The following MACROD2 variants were observed in gnomAD, a reference collection of about 807,000 sequenced individuals.
MACROD2 encodes the protein ADP-ribose glycohydrolase MACROD2.
Under a neutral mutation model 70.4 loss-of-function variants are expected in MACROD2, and 36 were observed. That is an observed-to-expected ratio of 0.51 (90% confidence interval 0.39 to 0.68). The LOEUF (loss-of-function observed/expected upper bound fraction) is 0.68. Ranked by LOEUF, MACROD2 falls within the 30% of genes least tolerant of loss-of-function variation. The probability of loss-of-function intolerance (pLI) is 0.00; values close to 1 mark genes in which losing one functional copy is unlikely to be tolerated. For missense variants in MACROD2, 496 were observed against 538.4 expected, an observed-to-expected ratio of 0.92 and a Z score of 0.78; for synonymous variants, 172 against 178.8, an observed-to-expected ratio of 0.96 and a Z score of 0.30.
chr20:15,438,161 A>C (rs1246128027), intron 7 of MACROD2, among the ~76,000 whole-genome samples: 1 of 152,052 alleles, frequency 6.6e-6, no homozygotes, highest in African/African-American at 2.4e-5. Flanking sequence ...GTAAAAAAAA[A>C]AAAGAATGAT....
At chr20:15,909,584 C>T (rs1174320141) in intron 10 of MACROD2, among the ~76,000 whole-genome samples, 3 of 121,222 alleles carry the variant, frequency 2.5e-5, no homozygotes, top group African/African-American at 3.2e-5. Flanking sequence ...AGTGCAGTGG[C>T]GGGATCTCGG....
At chr20:14,995,230 G>T (rs1408432) in intron 5 of MACROD2, among the ~76,000 whole-genome samples, 3,241 of 152,116 alleles carry the variant, frequency 0.021, 68 homozygotes, top group Admixed American at 0.047. Flanking sequence ...TTTACCTATT[G>T]TGTGTTTTAT....
chr20:14,109,280 A>G (rs772213271), intron 3 of MACROD2, among the ~76,000 whole-genome samples: 14 of 151,954 alleles, frequency 9.2e-5, no homozygotes, highest in Admixed American at 1.3e-4. Flanking sequence ...ATTTATAGCT[A>G]AAAGTTCCTA....
At chr20:14,536,240 T>G (rs1377903497) in intron 4 of MACROD2, among the ~76,000 whole-genome samples, 2 of 152,158 alleles carry the variant, frequency 1.3e-5, no homozygotes, top group Non-Finnish European at 2.9e-5. Context: ...CTGTGACAAT[T>G]ATTCTTTAAA....
chr20:14,015,228 A>C (rs1352413354), intron 2 of MACROD2, among the ~76,000 whole-genome samples: 2 of 152,208 alleles, frequency 1.3e-5, no homozygotes, highest in Admixed American at 6.5e-5. Flanking sequence ...CATTGAGTAC[A>C]TTCACAGTGC....
At chr20:15,871,854 G>C (rs2064589399) in intron 9 of MACROD2, among the ~76,000 whole-genome samples, 2 of 152,190 alleles carry the variant, frequency 1.3e-5, no homozygotes, top group South Asian at 4.1e-4. Context: ...CTAAGAGTAA[G>C]TCCTTGGTTG....
intron 9 of MACROD2, among the ~76,000 whole-genome samples, chr20:15,874,225 T>A (rs1184475247): frequency 6.6e-6 from 1 of 151,776 alleles, no homozygotes; most frequent in African/African-American, 2.4e-5. Flanking sequence ...TTCATCCATG[T>A]CCCTGCAAAG....
intron 10 of MACROD2, among the ~76,000 whole-genome samples, chr20:15,921,228 T>C (rs936319545): frequency 1.3e-5 from 2 of 152,172 alleles, no homozygotes; most frequent in Non-Finnish European, 2.9e-5. Flanking sequence ...ATTCGTTGTC[T>C]GCTCCAGCCG....
chr20:14,953,110 A>T (rs1054207528), intron 5 of MACROD2, among the ~76,000 whole-genome samples: 1 of 152,126 alleles, frequency 6.6e-6, no homozygotes, highest in Non-Finnish European at 1.5e-5. Flanking sequence ...GACCAGAAAA[A>T]AAAGGGCCTG....
At chr20:14,622,018 T>C (rs1256188666) in intron 4 of MACROD2, 1 of 152,170 alleles carries the variant, frequency 6.6e-6, no homozygotes, top group Non-Finnish European at 1.5e-5. Flanking sequence ...TAATAGGCTC[T>C]GGAAGAGCTC....
At chr20:14,400,352 G>C (rs2083625104) in intron 3 of MACROD2, among the ~76,000 whole-genome samples, 1 of 152,148 alleles carries the variant, frequency 6.6e-6, no homozygotes, top group Non-Finnish European at 1.5e-5. Context: ...CGTAAATTAT[G>C]AGGTTTTTCC....
intron 4 of MACROD2, among the ~76,000 whole-genome samples, chr20:14,494,771 G>A (rs982680316): frequency 3.3e-5 from 5 of 152,058 alleles, no homozygotes; most frequent in African/African-American, 9.7e-5. Context: ...ATATGAATTT[G>A]TAGGATGTTT....
chr20:14,908,644 CAG>C (rs920639741), intron 5 of MACROD2, among the ~76,000 whole-genome samples: 17 of 151,250 alleles, frequency 1.1e-4, no homozygotes, highest in Non-Finnish European at 1.8e-4. Flanking sequence ...GCCTGGGTGA[CAG>C]AGCAGACTCT....
At chr20:15,233,979 TTATTTATATATATATATA>T (rs1314774137) in intron 6 of MACROD2, among the ~76,000 whole-genome samples, 1 of 49,012 alleles carries the variant, frequency 2.0e-5, no homozygotes, top group African/African-American at 9.0e-5. Flanking sequence ...TTATATATAT[TTATTTATATATATATATA>T]TATATATATA....
chr20:15,173,302 G>A (rs915285150), intron 5 of MACROD2, among the ~76,000 whole-genome samples: 2 of 152,122 alleles, frequency 1.3e-5, no homozygotes, highest in African/African-American at 4.8e-5. Context: ...ATGAGAAAGT[G>A]AGAACTCACT....
intron 5 of MACROD2, among the ~76,000 whole-genome samples, chr20:14,911,850 T>A (rs1055498260): frequency 3.9e-5 from 6 of 152,130 alleles, no homozygotes; most frequent in Admixed American, 1.3e-4. Flanking sequence ...TAACCCATTT[T>A]ACAGATGGGG....
At chr20:15,527,242 A>G (rs191289738) in intron 8 of MACROD2, among the ~76,000 whole-genome samples, 124 of 152,290 alleles carry the variant, frequency 8.1e-4, no homozygotes, top group African/African-American at 3.0e-3. Context: ...AATTTTGAGT[A>G]AAGGTTTTAT....
At chr20:14,782,597 A>G (rs1482363281) in intron 5 of MACROD2, among the ~76,000 whole-genome samples, 1 of 152,114 alleles carries the variant, frequency 6.6e-6, no homozygotes, top group Non-Finnish European at 1.5e-5. Context: ...TGGTTAATGC[A>G]GATATGAAAA....
At chr20:14,979,853 C>A (rs1169222766) in intron 5 of MACROD2, among the ~76,000 whole-genome samples, 1 of 152,112 alleles carries the variant, frequency 6.6e-6, no homozygotes, top group Non-Finnish European at 1.5e-5. Flanking sequence ...TTGCCTTTGT[C>A]ACTAAATTAA....
Sources: allele counts gnomAD v4.1 joint callset (sites outside exome capture counted in the v4.1 genomes callset), GRCh38; gene constraint gnomAD v4.1.1; transcripts MANE v1.5; gene names NCBI Gene and HGNC (gene_info 2026-07-23, HGNC 2026-07-21).